The following CSMD3 variants were observed in gnomAD, a reference collection of about 807,000 sequenced individuals.
The protein encoded by CSMD3 is CUB and Sushi multiple domains 3.
Under a neutral mutation model 435.2 loss-of-function variants are expected in CSMD3, and 177 were observed. The observed-to-expected ratio is 0.41, with a 90% CI of 0.36 to 0.46. CSMD3 has a LOEUF of 0.46. Ranked by LOEUF, CSMD3 falls within the 20% of genes least tolerant of loss-of-function variation. The probability of loss-of-function intolerance (pLI) is 0.34; values close to 1 mark genes in which losing one functional copy is unlikely to be tolerated. For synonymous variants in CSMD3, 1,656 were observed against 1,520.5 expected, an observed-to-expected ratio of 1.09 and a Z score of -2.07; for missense variants, 4,265 against 4,504.6, an observed-to-expected ratio of 0.95 and a Z score of 1.52.
At chr8:112,414,670 G>T (rs1391319597) in intron 32 of CSMD3, among the ~76,000 whole-genome samples, 1 of 152,076 alleles carries the variant, frequency 6.6e-6, no homozygotes, top group East Asian at 1.9e-4. Context: ...AAGTTTTGAG[G>T]GCTCAGAAGA....
intron 48 of CSMD3, 62 bp from the exon 49 acceptor site, chr8:112,314,114 T>C: frequency 1.6e-6 from 2 of 1,268,292 alleles, no homozygotes; most frequent in South Asian, 1.2e-5. Flanking sequence ...GTCTTTAGTA[T>C]TTTATATCTT....
chr8:113,298,557 G>C (rs910429900), intron 2 of CSMD3, among the ~76,000 whole-genome samples: 3 of 152,030 alleles, frequency 2.0e-5, no homozygotes, highest in African/African-American at 7.2e-5. Context: ...GAGGATAGTA[G>C]GTACTCATCA....
chr8:112,467,089 CA>C (rs1818031805), intron 32 of CSMD3, among the ~76,000 whole-genome samples: 2 of 152,232 alleles, frequency 1.3e-5, no homozygotes, highest in South Asian at 4.1e-4. Context: ...CAGCAATATG[CA>C]AAAGGGTTTG....
At chr8:112,829,581 T>C in intron 12 of CSMD3, 105 bp downstream of exon 12, 1 of 732,354 alleles carries the variant, frequency 1.4e-6, no homozygotes, top group Non-Finnish European at 2.5e-6. Flanking sequence ...ACTGTGCATC[T>C]TCTGCTGGTA....
At chr8:112,723,858 G>A (rs1243108128) in intron 13 of CSMD3, among the ~76,000 whole-genome samples, 1 of 151,920 alleles carries the variant, frequency 6.6e-6, no homozygotes, top group African/African-American at 2.4e-5. Flanking sequence ...TACATACTAG[G>A]CACACCAATG....
intron 24 of CSMD3, among the ~76,000 whole-genome samples, chr8:112,565,868 T>C (rs1829019593): frequency 6.6e-6 from 1 of 152,002 alleles, no homozygotes. Flanking sequence ...TGTAATTAAA[T>C]AATCTTCAAC....
chr8:112,575,094 T>G (rs2077541542), intron 23 of CSMD3, among the ~76,000 whole-genome samples: 1 of 152,052 alleles, frequency 6.6e-6, no homozygotes, highest in African/African-American at 2.4e-5. Flanking sequence ...CGTTTCAATA[T>G]GATCTATAAA....
rs1397040663 is a variant in CSMD3, at chr8:112,234,395, C to A, written c.10710G>T (p.Met3570Ile). 1 of 1,612,746 alleles carries A rather than the reference C, an allele frequency of 6.2e-7. No homozygotes were observed. Among genetic ancestry groups the A allele is most frequent in the Non-Finnish European group, 8.5e-7 (1 of 1,179,146 alleles). ...CATCCATTGCCCAATTTTCTTCCTT[C>A]ATTTTCTTCACAGAAGCATGAGCAG... ...KVPAHASVKK[M>I]KEENWAMDGF... Residue 3570 changes from methionine (M) to isoleucine (I), a missense_variant, in exon 68 of 71, where the codon ATG becomes ATT. Met to Ile is a conservative substitution (Grantham distance 10). Transcript: ENST00000297405.
chr8:112,451,840 A>G (rs1032118984), intron 32 of CSMD3, among the ~76,000 whole-genome samples: 7 of 152,296 alleles, frequency 4.6e-5, no homozygotes, highest in East Asian at 3.9e-4. Flanking sequence ...GCCTGGCCCC[A>G]AAGATTTTTA....
chr8:112,552,489 AAAAC>A lies in CSMD3; in HGVS notation c.4361+101_4361+104del, dbSNP rs1409756747. On this transcript the variant is annotated intron_variant, in intron 26 of 70. Coordinates refer to ENST00000297405, the MANE Select transcript of CSMD3 (RefSeq NM_198123.2). Reference sequence around the variant, plus strand: ...GTCAGAGCAAGACTCTGCCTCAAGAAAAACAAACAAACAAAAAATGAAATAAATG... The same window carrying A: ...GTCAGAGCAAGACTCTGCCTCAAGAAAAACAAACAAAAAATGAAATAAATG... 1.6e-4 allele frequency: 198 copies of A among 1,232,086 alleles called. 1 individual carries two copies. In the South Asian group the frequency reaches 1.8e-3, roughly 11 times the overall value. 76.3% of individuals were successfully genotyped at this position (1,232,086 alleles called of 1,614,324 possible).
At chr8:112,772,509 G>A (rs2132204308) in intron 13 of CSMD3, among the ~76,000 whole-genome samples, 1 of 152,192 alleles carries the variant, frequency 6.6e-6, no homozygotes, top group South Asian at 2.1e-4. Context: ...GCCAGGTATT[G>A]TCCAAGGTTT....
intron 3 of CSMD3, among the ~76,000 whole-genome samples, chr8:113,192,252 G>A (rs773496688): frequency 2.6e-5 from 4 of 151,610 alleles, no homozygotes; most frequent in Non-Finnish European, 5.9e-5. Context: ...CTGGCACTTT[G>A]AATTTGAGCT....
At chr8:112,351,911 G>C (rs1199150739) in intron 39 of CSMD3, among the ~76,000 whole-genome samples, 1 of 151,692 alleles carries the variant, frequency 6.6e-6, no homozygotes, top group South Asian at 2.1e-4. Context: ...AATCAAAAAA[G>C]ATCAATATAA....
At chr8:112,786,654 T>C (rs1286795675) in intron 13 of CSMD3, among the ~76,000 whole-genome samples, 3 of 152,058 alleles carry the variant, frequency 2.0e-5, no homozygotes, top group Non-Finnish European at 4.4e-5. Context: ...AAAACATGTA[T>C]ATGATAAGGT....
chr8:112,791,439 G>A (rs2078690171), intron 13 of CSMD3, among the ~76,000 whole-genome samples: 1 of 151,576 alleles, frequency 6.6e-6, no homozygotes, highest in African/African-American at 2.4e-5. Context: ...TCTGCTTTCA[G>A]TCACTATAGA....
intron 13 of CSMD3, among the ~76,000 whole-genome samples, chr8:112,777,522 G>T (rs1326265787): frequency 2.0e-5 from 3 of 151,718 alleles, no homozygotes; most frequent in Non-Finnish European, 4.4e-5. Context: ...TGTAAGCCAA[G>T]ATATTTATAC....
intron 2 of CSMD3, among the ~76,000 whole-genome samples, chr8:113,299,107 G>A (rs13258154): frequency 0.63 from 95,615 of 151,984 alleles, 30,970 homozygotes; most frequent in East Asian, 0.75. Context: ...AGCCAAAAGC[G>A]TGCTCAACAA....
rs368057719 is a variant in CSMD3, at chr8:112,361,793, A to G, written c.6137-9259T>C. ...CTATGTATCTATTTATTGAAAATGC[A>G]GACCAAAAATATTGGTTTTGCATTT... On this transcript the variant is annotated intron_variant, in intron 38 of 70. Coordinates refer to ENST00000297405, the MANE Select transcript of CSMD3 (RefSeq NM_198123.2). Among the ~76,000 whole-genome samples the G allele has an allele frequency of 3.6e-3, 545 of 151,490 alleles. 3 individuals are homozygous for G. Among genetic ancestry groups the G allele is most frequent in the African/African-American group, 0.012 (509 of 41,448 alleles).
intron 31 of CSMD3, among the ~76,000 whole-genome samples, chr8:112,482,087 G>A (rs16883735): frequency 0.25 from 37,927 of 151,930 alleles, 4,880 homozygotes; most frequent in East Asian, 0.38. Flanking sequence ...ATGTTAGGAT[G>A]TAAGCTTCTA....
Sources: allele counts gnomAD v4.1 joint callset (sites outside exome capture counted in the v4.1 genomes callset), GRCh38; gene constraint gnomAD v4.1.1; transcripts MANE v1.5; gene names NCBI Gene and HGNC (gene_info 2026-07-23, HGNC 2026-07-21).